The following ST3GAL3 variants were observed in gnomAD, a reference collection of about 807,000 sequenced individuals.
ST3GAL3 encodes the protein CMP-N-acetylneuraminate-beta-1,4-galactoside alpha-2,3-sialyltransferase.
A neutral mutation model predicts 50.1 loss-of-function variants in ST3GAL3; 21 were observed. That is an observed-to-expected ratio of 0.42 (90% confidence interval 0.30 to 0.60). The LOEUF (loss-of-function observed/expected upper bound fraction) is 0.60, where lower values mean the gene tolerates loss of function less well. Among genes scored for constraint, ST3GAL3 ranks in the 20% least tolerant of loss-of-function variants. ST3GAL3 has a pLI of 0.19. For missense variants in ST3GAL3, 353 were observed against 489.4 expected, an observed-to-expected ratio of 0.72 and a Z score of 2.63; for synonymous variants, 183 against 190.0, an observed-to-expected ratio of 0.96 and a Z score of 0.30.
intron 5 of ST3GAL3, among the ~76,000 whole-genome samples, chr1:43,886,815 G>A (rs1174004850): frequency 6.6e-6 from 1 of 152,198 alleles, no homozygotes; most frequent in Non-Finnish European, 1.5e-5. Context: ...TAGCTAAAGC[G>A]GGTACATGGC....
At chr1:43,748,404 T>A (rs2154106673) in intron 2 of ST3GAL3, among the ~76,000 whole-genome samples, 1 of 150,986 alleles carries the variant, frequency 6.6e-6, no homozygotes, top group Middle Eastern at 3.4e-3. Flanking sequence ...GAACACTTAA[T>A]ATTGTTAAAA....
chr1:43,921,744 A>G, intron 11 of ST3GAL3: 1 of 398,804 alleles, frequency 2.5e-6, no homozygotes. Context: ...CCATGCCCCA[A>G]AAGCTCCTCC....
At chr1:43,817,579 TCTCCTCCTTCTCCTCCTC>T (rs1372686585) in intron 4 of ST3GAL3, among the ~76,000 whole-genome samples, 1 of 17,064 alleles carries the variant, frequency 5.9e-5, no homozygotes, top group Non-Finnish European at 1.4e-4. Context: ...TTCTTCTCCT[TCTCCTCCTTCTCCTCCTC>T]CCTTCTCCTT....
intron 2 of ST3GAL3, among the ~76,000 whole-genome samples, chr1:43,764,628 C>T (rs1440956089): frequency 6.6e-6 from 1 of 152,238 alleles, no homozygotes; most frequent in Non-Finnish European, 1.5e-5. Flanking sequence ...GATTCAGTCT[C>T]AGTAAAAGGC....
At chr1:43,866,896 C>T (rs868116982) in intron 5 of ST3GAL3, among the ~76,000 whole-genome samples, 1 of 152,050 alleles carries the variant, frequency 6.6e-6, no homozygotes, top group South Asian at 2.1e-4. Context: ...CTTTGGGAGG[C>T]CGTGGTGGGT....
chr1:43,859,493 A>G (rs2069353043), intron 5 of ST3GAL3, among the ~76,000 whole-genome samples: 1 of 152,054 alleles, frequency 6.6e-6, no homozygotes, highest in African/African-American at 2.4e-5. Flanking sequence ...TGGGAGGCGA[A>G]GGTTGCAGTG....
At chr1:43,743,019 G>A (rs1571920536) in intron 2 of ST3GAL3, among the ~76,000 whole-genome samples, 3 of 151,072 alleles carry the variant, frequency 2.0e-5, no homozygotes, top group African/African-American at 7.3e-5. Flanking sequence ...AATTGCTTGA[G>A]GCGGAGCTTG....
intron 2 of ST3GAL3, among the ~76,000 whole-genome samples, chr1:43,745,825 C>T (rs760099357): frequency 4.6e-5 from 7 of 152,172 alleles, no homozygotes; most frequent in Non-Finnish European, 7.4e-5. Flanking sequence ...GACAGGGCTT[C>T]GCCATGTTGG....
intron 6 of ST3GAL3, among the ~76,000 whole-genome samples, chr1:43,896,048 A>G (rs2077348669): frequency 6.6e-6 from 1 of 152,200 alleles, no homozygotes; most frequent in Admixed American, 6.5e-5. Flanking sequence ...GCCTTTCCTA[A>G]AGCCCACCGT....
At chr1:43,709,770 C>G (rs1663645982) in intron 1 of ST3GAL3, among the ~76,000 whole-genome samples, 1 of 152,078 alleles carries the variant, frequency 6.6e-6, no homozygotes, top group Admixed American at 6.6e-5. Context: ...TCGCTTGAAC[C>G]CGGGAGGTGG....
At chr1:43,917,512 TATA>T (rs1455102677) in intron 9 of ST3GAL3, among the ~76,000 whole-genome samples, 4 of 72,748 alleles carry the variant, frequency 5.5e-5, no homozygotes, top group African/African-American at 1.5e-4. Context: ...TATTATATAA[TATA>T]ATATATATTA....
intron 1 of ST3GAL3, among the ~76,000 whole-genome samples, chr1:43,731,427 C>T (rs1455613681): frequency 3.6e-5 from 5 of 138,104 alleles, no homozygotes; most frequent in Admixed American, 2.3e-4. Context: ...CTCTGTCACT[C>T]GGGCTGGAGT....
intron 5 of ST3GAL3, among the ~76,000 whole-genome samples, chr1:43,881,259 C>A (rs1347616681): frequency 6.6e-6 from 1 of 152,244 alleles, no homozygotes; most frequent in Non-Finnish European, 1.5e-5. Flanking sequence ...GATCCACCCG[C>A]CTCAGCCTCC....
intron 9 of ST3GAL3, among the ~76,000 whole-genome samples, chr1:43,917,520 ATATTATATTATATAATATATTATG>A (rs2082112515): frequency 2.8e-5 from 2 of 72,220 alleles, no homozygotes; most frequent in Non-Finnish European, 5.1e-5. Flanking sequence ...AATATAATAT[ATATTATATTATATAATATATTATG>A]TATTATATAT....
intron 5 of ST3GAL3, among the ~76,000 whole-genome samples, chr1:43,869,379 G>T (rs77986554): frequency 6.6e-6 from 1 of 152,164 alleles, no homozygotes; most frequent in African/African-American, 2.4e-5. Flanking sequence ...ATCTCTGCCC[G>T]TATAGGGTAT....
chr1:43,708,047 A>G (rs1230782828), intron 1 of ST3GAL3: 1 of 152,356 alleles, frequency 6.6e-6, no homozygotes, highest in Non-Finnish European at 1.5e-5. Context: ...AAGGAAAGAA[A>G]AGTCCAGGGA....
chr1:43,758,314 A>G (rs567841201), intron 2 of ST3GAL3, among the ~76,000 whole-genome samples: 45 of 152,284 alleles, frequency 3.0e-4, no homozygotes, highest in African/African-American at 1.0e-3. Context: ...GCAGTGGTGC[A>G]ATTATAGTTC....
intron 4 of ST3GAL3, among the ~76,000 whole-genome samples, chr1:43,818,576 C>T (rs1448709515): frequency 6.6e-6 from 1 of 152,192 alleles, no homozygotes; most frequent in Non-Finnish European, 1.5e-5. Flanking sequence ...TCTGTTGAAG[C>T]TTGTTCTCAT....
chr1:43,857,537 C>T (rs1275629580), intron 5 of ST3GAL3, among the ~76,000 whole-genome samples: 1 of 119,078 alleles, frequency 8.4e-6, no homozygotes, highest in Non-Finnish European at 1.8e-5. Context: ...CTCCTTCCCT[C>T]CCTCCCTCCC....
Sources: allele counts gnomAD v4.1 joint callset (sites outside exome capture counted in the v4.1 genomes callset), GRCh38; gene constraint gnomAD v4.1.1; transcripts MANE v1.5; gene names NCBI Gene and HGNC (gene_info 2026-07-23, HGNC 2026-07-21).